The following MDK variants were observed in gnomAD, a reference collection of about 807,000 sequenced individuals.
The protein encoded by MDK is amphiregulin-associated protein.
MDK carries 17 observed loss-of-function variants against 18.9 expected under a neutral mutation model. The observed-to-expected ratio is 0.90, with a 90% CI of 0.62 to 1.35. The LOEUF is 1.35. Among genes scored for constraint, MDK ranks in the 40% most tolerant of loss-of-function variants. The probability of loss-of-function intolerance (pLI) is 0.00; values close to 1 mark genes in which losing one functional copy is unlikely to be tolerated. For synonymous variants in MDK, 86 were observed against 74.3 expected (o/e 1.16, Z -0.81); for missense variants, 180 against 186.3 (o/e 0.97, Z 0.20).
In MDK at chr11:46,381,777, CT is replaced by C. The variant is rs1945179755; in HGVS notation, c.-2+20del. On this transcript the variant is annotated intron_variant, in intron 1 of 4. Transcript: ENST00000395566. ...CGAGCGAGTGAGCGCGCGGCGGCCC[CT>C]GGTCCGCCCGGCCGCGGCCGATCTA... 1 of 288,176 alleles carries C rather than the reference CT, an allele frequency of 3.5e-6. No individual in the cohort carries two copies. Among genetic ancestry groups the C allele is most frequent in the Admixed American group, 6.9e-5 (1 of 14,524 alleles). The allele number at this position is 288,176 out of a possible 1,614,324, so 17.9% of individuals were successfully genotyped here.
chr11:46,382,430 G>A lies in MDK; in HGVS notation c.213G>A (p.Arg71=), dbSNP rs1479122846. ...CCCAGACCCAGCGCATCCGGTGCAG[G>A]GTGCCCTGCAACTGGAAGAAGGAGT... The part of the protein sequence containing the change: ...CGAQTQRIRC[R]VPCNWKKEFG... The change falls in exon 3 of 5, where the codon AGG becomes AGA. Residue 71 remains arginine (R), a synonymous_variant. Transcript: ENST00000395566. The A allele has an allele frequency of 2.0e-6, 3 of 1,531,696 alleles. No homozygotes were observed. Among genetic ancestry groups the A allele is most frequent in the Non-Finnish European group, 2.6e-6 (3 of 1,139,118 alleles). The allele number at this position is 1,531,696 out of a possible 1,614,324, so 94.9% of individuals were successfully genotyped here.
Position 46,382,712 on chromosome 11 carries a change from A to G in MDK, c.370A>G (p.Lys124Glu), listed in dbSNP as rs34274885. ...AQCQETIRVT[K>E]PCTPKTKAKA... ...GTGCCAGGAGACCATCCGCGTCACC[A>G]AGCCCTGCACCCCCAAGACCAAAGC... Residue 124 changes from lysine (K) to glutamate (E), a missense_variant, in exon 4 of 5, where the codon AAG becomes GAG. Lys to Glu is a moderately conservative substitution (Grantham distance 56). Transcript: ENST00000395566. 6.2e-7 allele frequency: 1 copy of G among 1,610,474 alleles called. No homozygotes were observed. Among genetic ancestry groups the G allele is most frequent in the African/African-American group, 1.4e-5 (1 of 73,656 alleles).
intron 4 of MDK, 42 bp downstream of exon 4, chr11:46,382,790 G>GGGGGGGGCGGC: frequency 1.0e-6 from 1 of 985,980 alleles, no homozygotes; most frequent in Non-Finnish European, 1.3e-6. Flanking sequence ...GCGGGGGGCT[G>GGGGGGGGCGGC]CCCCCCCCCC....
intron 1 of MDK, 139 bp from the exon 2 acceptor site, chr11:46,381,918 A>C (rs1590672629): frequency 1.2e-6 from 1 of 869,006 alleles, no homozygotes; most frequent in African/African-American, 1.7e-5. Flanking sequence ...GGGCCGCCCC[A>C]AGTCTTCCCA....
chr11:46,382,293 G>C lies in MDK; in HGVS notation c.77-1G>C, dbSNP rs762326985. The C allele has an allele frequency of 6.2e-7, 1 of 1,608,178 alleles. No homozygotes were observed. Among genetic ancestry groups the C allele is most frequent in the South Asian group, 1.1e-5 (1 of 90,610 alleles). ...TGAACTCTGTTCCTCGCGCGTTGTA[G>C]ATAAGGTGAAGAAGGGCGGCCCGGG... On this transcript the variant is annotated splice_acceptor_variant, in intron 2 of 4. Transcript: ENST00000395566. LOFTEE classifies it high-confidence loss of function.
chr11:46,382,916 C>T (rs1007413052), intron 4 of MDK, 168 bp downstream of exon 4: 23 of 777,590 alleles, frequency 3.0e-5, no homozygotes, highest in Non-Finnish European at 4.2e-5. Flanking sequence ...AAGATGGGCA[C>T]TACAAGAGAG....
At chr11:46,381,617 G>A (rs1319281967), upstream of MDK, 1 of 91,400 alleles carries the variant, frequency 1.1e-5, no homozygotes, top group East Asian at 3.9e-4. Context: ...GGCGGGGCGG[G>A]TCCTTCCCTG....
Position 46,383,519 on chromosome 11 carries a change from C to T in MDK, c.*25C>T, listed in dbSNP as rs578222803. On this transcript the variant is annotated 3_prime_UTR_variant, in exon 5 of 5. Transcript: ENST00000395566. ...GACGCCAAGCCTGGATGCCAAGGAG[C>T]CCCTGGTGTCACATGGGGCCTGGCC... 2.1e-5 allele frequency: 34 copies of T among 1,611,648 alleles called. No individual in the cohort carries two copies. The African/African-American group carries it at 4.5e-4, about 21-fold the overall frequency.
chr11:46,381,913 G>C (rs1234699671), intron 1 of MDK, 144 bp from the exon 2 acceptor site: 18 of 821,770 alleles, frequency 2.2e-5, no homozygotes, highest in Non-Finnish European at 3.0e-5. Flanking sequence ...GCGAGGGGCC[G>C]CCCCAAGTCT....
intron 2 of MDK, 57 bp downstream of exon 2, chr11:46,382,190 C>T: frequency 6.2e-7 from 1 of 1,606,276 alleles, no homozygotes. Flanking sequence ...CCCTCCACTT[C>T]TGGGCTGGGC....
chr11:46,383,546 A>T lies in MDK; in HGVS notation c.*52A>T. 1 of 1,565,544 alleles carries T rather than the reference A, an allele frequency of 6.4e-7. No homozygotes were observed. The highest frequency in any genetic ancestry group is 8.8e-7 in the Non-Finnish European group (1 of 1,136,758). The stretch of plus-strand genomic sequence containing the variant: ...CCTGGTGTCACATGGGGCCTGGCCC[A>T]CGCCCTCCCTCTCCCAGGCCCGAGA... On this transcript the variant is annotated 3_prime_UTR_variant, in exon 5 of 5. Coordinates refer to ENST00000395566, the MANE Select transcript of MDK (RefSeq NM_002391.6).
At chr11:46,382,930 G>A (rs754461125) in intron 4 of MDK, 182 bp downstream of exon 4, 10 of 686,288 alleles carry the variant, frequency 1.5e-5, no homozygotes, top group African/African-American at 3.6e-5. Context: ...AAGAGAGGCC[G>A]CAGGTGATGC....
rs767324227 is a variant in MDK, at chr11:46,382,472, G to A, written c.244+11G>A. 3 of 1,521,190 alleles carry A rather than the reference G, an allele frequency of 2.0e-6. No individual in the cohort carries two copies. The East Asian group carries it at 7.0e-5, about 36-fold the overall frequency. 94.2% of individuals were successfully genotyped at this position (1,521,190 alleles called of 1,614,324 possible). A position where few individuals can be genotyped will look rare whatever the true frequency, so the allele number is the denominator to read the frequency against. ...AGAAGGAGTTTGGAGGTGAGGCGGG[G>A]CGCAGTCAGAGGGCAGGAGACGGGG... On this transcript the variant is annotated intron_variant, in intron 3 of 4. Transcript: ENST00000395566.
Position 46,383,333 on chromosome 11 carries a change from C to T in MDK, c.407-136C>T, listed in dbSNP as rs888889724. ...CAATGGCTGCCCCATCCCCTGCTTC[C>T]GAGTCAGCTGATTGGAAACCACTAG... On this transcript the variant is annotated intron_variant, in intron 4 of 4. Coordinates refer to ENST00000395566, the MANE Select transcript of MDK (RefSeq NM_002391.6). 6 of 641,048 alleles carry T rather than the reference C, an allele frequency of 9.4e-6. No individual in the cohort carries two copies. The East Asian group carries it at 1.1e-4, about 12-fold the overall frequency. The allele number at this position is 641,048 out of a possible 1,614,324, so 39.7% of individuals were successfully genotyped here.
In MDK at chr11:46,383,561, C is replaced by G; in HGVS notation, c.*67C>G. ...GGCCTGGCCCACGCCCTCCCTCTCC[C>G]AGGCCCGAGATGTGACCCACCAGTG... On this transcript the variant is annotated 3_prime_UTR_variant, in exon 5 of 5. Transcript: ENST00000395566. 1 of 1,459,948 alleles carries G rather than the reference C, an allele frequency of 6.8e-7. No individual in the cohort carries two copies. The highest frequency in any genetic ancestry group is 9.6e-7 in the Non-Finnish European group (1 of 1,041,760). The allele number at this position is 1,459,948 out of a possible 1,614,324, so 90.4% of individuals were successfully genotyped here.
chr11:46,381,919 A>G, intron 1 of MDK, 138 bp from the exon 2 acceptor site: 1 of 882,772 alleles, frequency 1.1e-6, no homozygotes, highest in African/African-American at 1.7e-5. Flanking sequence ...GGCCGCCCCA[A>G]GTCTTCCCAC....
chr11:46,382,790 G>GGGGGGGGGGGGGGGGGGGGGC, intron 4 of MDK, 42 bp downstream of exon 4: 1 of 985,982 alleles, frequency 1.0e-6, no homozygotes, highest in Admixed American at 3.6e-5. Flanking sequence ...GCGGGGGGCT[G>GGGGGGGGGGGGGGGGGGGGGC]CCCCCCCCCC....
intron 1 of MDK, 66 bp from the exon 2 acceptor site, chr11:46,381,991 C>G (rs545586027): frequency 6.7e-7 from 1 of 1,497,888 alleles, no homozygotes; most frequent in Admixed American, 2.0e-5. Flanking sequence ...GGTGGGAGGG[C>G]CCTGCACGCG....
chr11:46,381,338 G>C (rs1442057201), upstream of MDK: 4 of 152,872 alleles, frequency 2.6e-5, no homozygotes, highest in East Asian at 5.8e-4. Flanking sequence ...CGTACGGCAG[G>C]GGACGACCTG....
Sources: allele counts gnomAD v4.1 joint callset, GRCh38; gene constraint gnomAD v4.1.1; transcripts MANE v1.5; gene names NCBI Gene and HGNC (gene_info 2026-07-23, HGNC 2026-07-21).